Variants in CCDC91 observed in about 807,000 individuals in gnomAD.
The protein encoded by CCDC91 is coiled-coil domain containing 91.
In CCDC91, 48 loss-of-function variants were observed where a neutral mutation model predicts 63.2. The observed-to-expected ratio is 0.76, with a 90% CI of 0.60 to 0.97. The LOEUF is 0.97. Among genes scored for constraint, CCDC91 ranks in the 50% least tolerant of loss-of-function variants. CCDC91 has a pLI of 0.00. For synonymous variants in CCDC91, 167 were observed against 165.8 expected (o/e 1.01, Z -0.06); for missense variants, 500 against 494.6 (o/e 1.01, Z -0.10).
chr12:28,378,447 A>G (rs1288810674), intron 7 of CCDC91, among the ~76,000 whole-genome samples: 2 of 152,066 alleles, frequency 1.3e-5, no homozygotes, highest in Non-Finnish European at 2.9e-5. Context: ...ATATTTTCCC[A>G]GGGTGTAGAG....
intron 3 of CCDC91, chr12:28,302,802 T>C (rs1938224286): frequency 5.8e-6 from 1 of 171,610 alleles, no homozygotes; most frequent in Non-Finnish European, 1.2e-5. Flanking sequence ...TGAAACTATC[T>C]GGTAGTAAGG....
At chr12:28,537,847 G>A (rs1250799275) in intron 12 of CCDC91, among the ~76,000 whole-genome samples, 2 of 152,100 alleles carry the variant, frequency 1.3e-5, no homozygotes, top group Admixed American at 6.6e-5. Context: ...TGATGATTTC[G>A]CCCAATAACT....
At chr12:28,359,401 C>T (rs1458107990) in intron 6 of CCDC91, among the ~76,000 whole-genome samples, 1 of 151,968 alleles carries the variant, frequency 6.6e-6, no homozygotes, top group Non-Finnish European at 1.5e-5. Flanking sequence ...TGTGCTTTGC[C>T]TTAGGCTAAT....
At chr12:28,318,908 G>A (rs1301401681) in intron 6 of CCDC91, among the ~76,000 whole-genome samples, 3 of 151,960 alleles carry the variant, frequency 2.0e-5, no homozygotes, top group Non-Finnish European at 4.4e-5. Flanking sequence ...TAAAGTAGTT[G>A]CTAGTACTTC....
chr12:28,289,657 G>A (rs1388348284), intron 3 of CCDC91, among the ~76,000 whole-genome samples: 1 of 137,892 alleles, frequency 7.3e-6, no homozygotes, highest in Admixed American at 7.3e-5. Context: ...GTATTCTGCT[G>A]TTTTGGGGTG....
chr12:28,536,086 A>G lies in CCDC91; in HGVS notation c.1216-12977A>G, dbSNP rs188576614. Among the ~76,000 whole-genome samples, 94 of 152,220 alleles carry G rather than the reference A, an allele frequency of 6.2e-4. 2 individuals are homozygous for G. The East Asian group carries it at 0.01, about 16-fold the overall frequency. On this transcript the variant is annotated intron_variant, in intron 12 of 12. Transcript: ENST00000536442. ...GGAAAGTTTTATCTATTGAAATAACATTTTAGAATGCAGATAATGGCAAAG... is the reference window on the plus strand; with the variant it reads ...GGAAAGTTTTATCTATTGAAATAACGTTTTAGAATGCAGATAATGGCAAAG...
At chr12:28,232,074 G>C (rs1292960047) in intron 1 of CCDC91, among the ~76,000 whole-genome samples, 3 of 152,090 alleles carry the variant, frequency 2.0e-5, no homozygotes, top group African/African-American at 7.2e-5. Context: ...TCAGTGGTTT[G>C]AATCAAACTG....
At chr12:28,516,251 G>C (rs1939934133) in intron 12 of CCDC91, among the ~76,000 whole-genome samples, 3 of 151,816 alleles carry the variant, frequency 2.0e-5, no homozygotes, top group Admixed American at 6.6e-5. Context: ...ATACTGTCTT[G>C]GTCTGTTTTG....
intron 6 of CCDC91, among the ~76,000 whole-genome samples, chr12:28,342,240 A>G (rs1469466695): frequency 3.3e-5 from 5 of 152,208 alleles, no homozygotes; most frequent in African/African-American, 4.8e-5. Flanking sequence ...GAGCCTCCAG[A>G]TAGAAAGGCA....
intron 6 of CCDC91, among the ~76,000 whole-genome samples, chr12:28,345,237 T>C (rs1396208725): frequency 6.6e-6 from 1 of 152,110 alleles, no homozygotes; most frequent in Non-Finnish European, 1.5e-5. Context: ...TTACTGTGTA[T>C]ATGTGTATGC....
intron 3 of CCDC91, among the ~76,000 whole-genome samples, chr12:28,269,037 G>A (rs541377321): frequency 6.6e-6 from 1 of 152,240 alleles, no homozygotes; most frequent in South Asian, 2.1e-4. Context: ...TACAGGACAA[G>A]TACAACCAGA....
At chr12:28,463,505 T>C (rs1950406542) in intron 11 of CCDC91, among the ~76,000 whole-genome samples, 1 of 152,146 alleles carries the variant, frequency 6.6e-6, no homozygotes, top group Admixed American at 6.5e-5. Context: ...ATAAGAATAC[T>C]CTTTAGAAGT....
At position 28,476,139 on chromosome 12, in the gene CCDC91, G is replaced by A. The variant is rs11049646; in HGVS notation, c.1102-7913G>A. Among the ~76,000 whole-genome samples, 238 of 151,884 alleles carry A rather than the reference G, an allele frequency of 1.6e-3. 2 individuals are homozygous for A. The highest frequency in any genetic ancestry group is 5.4e-3 in the African/African-American group (226 of 41,476). Reference sequence around the variant, plus strand: ...TTTGGACAATCTAAAAGACTTTCTCGTAACTTTAAATGAAACTGTTCTAAA... The same window carrying A: ...TTTGGACAATCTAAAAGACTTTCTCATAACTTTAAATGAAACTGTTCTAAA... On this transcript the variant is annotated intron_variant, in intron 11 of 12. Transcript: ENST00000536442.
chr12:28,404,956 T>C (rs1393263085), intron 8 of CCDC91, among the ~76,000 whole-genome samples: 3 of 152,106 alleles, frequency 2.0e-5, no homozygotes, highest in Non-Finnish European at 2.9e-5. Context: ...TGTCTTTTAA[T>C]TGGTGTTTTT....
At chr12:28,391,795 G>A (rs182543215) in intron 8 of CCDC91, among the ~76,000 whole-genome samples, 1 of 152,114 alleles carries the variant, frequency 6.6e-6, no homozygotes, top group African/African-American at 2.4e-5. Flanking sequence ...ATTCTGTACA[G>A]GCATTGGCTT....
chr12:28,259,461 TAG>T lies in CCDC91; in HGVS notation c.109+20_109+21del. On this transcript the variant is annotated intron_variant, in intron 3 of 12. Coordinates refer to ENST00000536442, the MANE Select transcript of CCDC91 (RefSeq NM_018318.5). Reference sequence around the variant, plus strand: ...CCTGCAGGTATTGGTATCCAGGAATTAGGGTTTTTTTTTTTTTTTTTCCCATG... The same window carrying T: ...CCTGCAGGTATTGGTATCCAGGAATTGGTTTTTTTTTTTTTTTTTCCCATG... 7 of 1,453,996 alleles carry T rather than the reference TAG, an allele frequency of 4.8e-6. No homozygotes were observed. The highest frequency in any genetic ancestry group is 5.7e-6 in the Non-Finnish European group (6 of 1,053,188). The allele number at this position is 1,453,996 out of a possible 1,614,324, so 90.1% of individuals were successfully genotyped here. A position where few individuals can be genotyped will look rare whatever the true frequency, so the allele number is the denominator to read the frequency against.
At chr12:28,277,567 T>C (rs1340007371) in intron 3 of CCDC91, among the ~76,000 whole-genome samples, 2 of 152,040 alleles carry the variant, frequency 1.3e-5, no homozygotes, top group Non-Finnish European at 2.9e-5. Context: ...CTGTCAAATT[T>C]GGGATGGTAA....
At chr12:28,284,897 C>T (rs1386014192) in intron 3 of CCDC91, among the ~76,000 whole-genome samples, 1 of 152,168 alleles carries the variant, frequency 6.6e-6, no homozygotes, top group East Asian at 1.9e-4. Context: ...TCTCTTCCTA[C>T]AAACATTCTA....
intron 11 of CCDC91, among the ~76,000 whole-genome samples, chr12:28,480,655 T>C (rs1477786150): frequency 6.6e-6 from 1 of 151,984 alleles, no homozygotes; most frequent in African/African-American, 2.4e-5. Flanking sequence ...CATGTAACTT[T>C]TAGAGTAATA....
Sources: allele counts gnomAD v4.1 joint callset (sites outside exome capture counted in the v4.1 genomes callset), GRCh38; gene constraint gnomAD v4.1.1; transcripts MANE v1.5; gene names NCBI Gene and HGNC (gene_info 2026-07-23, HGNC 2026-07-21).